FREM1: variants seen among roughly 807,000 people sequenced by gnomAD.
FREM1 encodes the protein FRAS1-related extracellular matrix protein 1.
In FREM1, 220 loss-of-function variants were observed where a neutral mutation model predicts 210.1. The ratio of observed to expected loss-of-function variants is 1.05; its 90% confidence interval spans 0.94 to 1.17. The LOEUF (loss-of-function observed/expected upper bound fraction) is 1.17. FREM1 is among the 50% of genes most tolerant of loss of function. The pLI, the probability that FREM1 is intolerant of heterozygous loss-of-function variation, is 0.00. For missense variants in FREM1, 3,454 were observed against 2,675.5 expected, an observed-to-expected ratio of 1.29 and a Z score of -6.42; for synonymous variants, 1,189 against 980.2, an observed-to-expected ratio of 1.21 and a Z score of -3.98.
intron 17 of FREM1, among the ~76,000 whole-genome samples, chr9:14,807,469 C>T (rs1394306748): frequency 6.6e-6 from 1 of 151,976 alleles, no homozygotes; most frequent in Non-Finnish European, 1.5e-5. Context: ...TACATAATGC[C>T]TATGAAAAGA....
At chr9:14,783,302 A>G (rs2132832511) in intron 24 of FREM1, among the ~76,000 whole-genome samples, 1 of 152,310 alleles carries the variant, frequency 6.6e-6, no homozygotes, top group African/African-American at 2.4e-5. Context: ...GAGGACAGTG[A>G]TATTCGAACA....
At chr9:14,743,452 G>T (rs969879759) in intron 35 of FREM1, among the ~76,000 whole-genome samples, 1 of 151,992 alleles carries the variant, frequency 6.6e-6, no homozygotes, top group African/African-American at 2.4e-5. Flanking sequence ...ACAATAAAAA[G>T]CTAGACTATT....
At chr9:14,785,385 G>C (rs1850258480) in intron 23 of FREM1, among the ~76,000 whole-genome samples, 1 of 152,152 alleles carries the variant, frequency 6.6e-6, no homozygotes, top group Non-Finnish European at 1.5e-5. Flanking sequence ...TTTTTTTCTG[G>C]AGAACGTAGG....
At chr9:14,820,480 G>C (rs555344548) in intron 13 of FREM1, among the ~76,000 whole-genome samples, 2 of 152,284 alleles carry the variant, frequency 1.3e-5, no homozygotes, top group African/African-American at 4.8e-5. Context: ...CCTGAAGAAA[G>C]AGCTGGTAAA....
intron 23 of FREM1, 54 bp downstream of exon 23, chr9:14,788,865 C>T: frequency 2.1e-6 from 3 of 1,410,320 alleles, no homozygotes; most frequent in Non-Finnish European, 2.9e-6. Context: ...ATGTGGAATA[C>T]TTATACCAGT....
intron 16 of FREM1, among the ~76,000 whole-genome samples, chr9:14,811,163 C>T (rs946042224): frequency 6.6e-6 from 1 of 152,108 alleles, no homozygotes; most frequent in Non-Finnish European, 1.5e-5. Context: ...CCCTTTGAAT[C>T]GAGTATTCCT....
At chr9:14,873,231 T>G (rs1833039098) in intron 1 of FREM1, among the ~76,000 whole-genome samples, 1 of 152,146 alleles carries the variant, frequency 6.6e-6, no homozygotes, top group Non-Finnish European at 1.5e-5. Flanking sequence ...TTGGAATAGT[T>G]TCAGAAGGAA....
At chr9:14,762,469 G>A (rs1347868129) in intron 27 of FREM1, among the ~76,000 whole-genome samples, 2 of 152,154 alleles carry the variant, frequency 1.3e-5, no homozygotes, top group African/African-American at 4.8e-5. Context: ...ATTCAGAAGG[G>A]AACCATTCAG....
rs1840566796 is a variant in FREM1, at chr9:14,737,314, G to A, written c.*82C>T. On this transcript the variant is annotated 3_prime_UTR_variant, in exon 37 of 37. Transcript: ENST00000380880. ...TATACCCACTCAATCATAACAATTT[G>A]TTTTCTATGGAGCAATATTCACAGA... is the stretch of plus-strand genomic sequence containing the variant. 9.6e-7 allele frequency: 1 copy of A among 1,037,280 alleles called. No individual in the cohort carries two copies. Among genetic ancestry groups the A allele is most frequent in the Non-Finnish European group, 1.4e-6 (1 of 706,940 alleles). 64.3% of individuals were successfully genotyped at this position (1,037,280 alleles called of 1,614,324 possible).
At chr9:14,872,541 T>A (rs1244429223) in intron 1 of FREM1, among the ~76,000 whole-genome samples, 1 of 152,228 alleles carries the variant, frequency 6.6e-6, no homozygotes, top group Non-Finnish European at 1.5e-5. Context: ...TTTGCTGAAG[T>A]TGCTTATCAG....
intron 1 of FREM1, among the ~76,000 whole-genome samples, chr9:14,882,286 C>T (rs750079334): frequency 6.6e-5 from 10 of 152,044 alleles, no homozygotes; most frequent in Non-Finnish European, 1.5e-4. Context: ...AAACCCTTAA[C>T]TGAGAGATAA....
intron 21 of FREM1, among the ~76,000 whole-genome samples, chr9:14,794,543 G>T (rs1851990905): frequency 6.6e-6 from 1 of 152,178 alleles, no homozygotes; most frequent in Non-Finnish European, 1.5e-5. Context: ...TCAGAGATGG[G>T]CTGAGGGGCT....
At position 14,801,789 on chromosome 9, in the gene FREM1, C is replaced by G; in HGVS notation, c.3557G>C (p.Ser1186Thr). The G allele has an allele frequency of 6.2e-7, 1 of 1,613,952 alleles. No homozygotes were observed. The change falls in exon 20 of 37, where the codon AGC (serine) becomes ACC (threonine). Residue 1186 changes from serine to threonine, a missense_variant. By Grantham distance (58) the Ser-to-Thr change is moderately conservative. Coordinates refer to ENST00000380880, the MANE Select transcript of FREM1 (RefSeq NM_001379081.2). ...LDIPQDALLF[S>T]ITQKPRHGLL... ...GCCATGGCGTGGCTTTTGAGTGATG[C>G]TGAACAGCAGGGCATCCTGGGGAAT...
chr9:14,756,735 T>A (rs1383150251), intron 28 of FREM1, among the ~76,000 whole-genome samples: 1 of 152,198 alleles, frequency 6.6e-6, no homozygotes, highest in African/African-American at 2.4e-5. Context: ...AATTTTAAAC[T>A]ATATTTTTGT....
At position 14,851,389 on chromosome 9, in the gene FREM1, C is replaced by T. The variant is rs115701214; in HGVS notation, c.1047G>A (p.Leu349=). 2,376 of 1,613,844 alleles carry T rather than the reference C, an allele frequency of 1.5e-3. 36 individuals carry two copies. In the African/African-American group the frequency reaches 0.028, roughly 19 times the overall value. The change falls in exon 6 of 37, where the codon TTG becomes TTA. Residue 349 remains leucine (L), a synonymous_variant. Transcript: ENST00000380880. ...APLQGYVTHL[L]DHTRPISSFT... is the part of the protein sequence containing the mutation. ...ATGAGGAGATTGGTCTGGTGTGATCCAACAGGTGAGTCACATAGCCCTGGA... is the reference window on the plus strand; with the variant it reads ...ATGAGGAGATTGGTCTGGTGTGATCTAACAGGTGAGTCACATAGCCCTGGA...
chr9:14,859,285 T>G lies in FREM1; in HGVS notation c.529A>C (p.Thr177Pro). The G allele has an allele frequency of 6.2e-7, 1 of 1,613,814 alleles. No individual in the cohort carries two copies. Among genetic ancestry groups the G allele is most frequent in the South Asian group, 1.1e-5 (1 of 91,062 alleles). The change falls in exon 4 of 37, where the codon ACT (threonine) becomes CCT (proline). Residue 177 changes from threonine (T) to proline (P), a missense_variant. Physicochemically the swap from Thr to Pro is conservative, Grantham distance 38. Transcript: ENST00000380880. ...ASLECTVSLD[T>P]ARTRLPAHGQ... ...TGGGCTGGCAGCCGAGTTCTCGCAG[T>G]GTCCAGGCTGACGGTACATTCCAGG...
intron 5 of FREM1, among the ~76,000 whole-genome samples, chr9:14,854,965 T>C (rs1325887030): frequency 6.6e-6 from 1 of 152,106 alleles, no homozygotes; most frequent in African/African-American, 2.4e-5. Context: ...CTTAATATTG[T>C]AAATGTTCCA....
chr9:14,818,119 G>C lies in FREM1; in HGVS notation c.2546+1115C>G, dbSNP rs147162939. 9.3e-3 allele frequency among the ~76,000 whole-genome samples: 1,409 copies of C among 152,252 alleles called. 16 individuals are homozygous for C. The highest frequency in any genetic ancestry group is 0.032 in the African/African-American group (1,331 of 41,538). On this transcript the variant is annotated intron_variant, in intron 14 of 36. Transcript: ENST00000380880. ...TGAGAATGGATACCTTGTCAGACTTGATTACTATGCAGATTAAATTTTCAA... is the reference window on the plus strand; with the variant it reads ...TGAGAATGGATACCTTGTCAGACTTCATTACTATGCAGATTAAATTTTCAA...
intron 27 of FREM1, among the ~76,000 whole-genome samples, chr9:14,761,313 T>C (rs749473034): frequency 1.3e-4 from 20 of 152,132 alleles, no homozygotes; most frequent in Non-Finnish European, 2.6e-4. Flanking sequence ...GGGGCAAGGG[T>C]AGGGTAAGAG....
Sources: gnomAD v4.1 joint callset for allele counts (sites outside exome capture counted in the v4.1 genomes callset) on GRCh38, gnomAD v4.1.1 for gene constraint, MANE v1.5 for transcripts, NCBI Gene and HGNC (gene_info 2026-07-23, HGNC 2026-07-21) for gene names.